Variants in SLC35F1 observed in about 807,000 individuals in gnomAD.
SLC35F1 encodes chromosome 6 open reading frame 169.
Under a neutral mutation model 48.7 loss-of-function variants are expected in SLC35F1, and 14 were observed. The observed-to-expected ratio is 0.29, with a 90% CI of 0.19 to 0.45. The LOEUF is 0.45. SLC35F1 is among the 20% of genes least tolerant of loss of function. The pLI is 1.00. For missense variants in SLC35F1, 404 were observed against 500.0 expected (o/e 0.81, Z 1.83); for synonymous variants, 190 against 202.2 (o/e 0.94, Z 0.51).
At chr6:117,972,272 A>C (rs901982621) in intron 1 of SLC35F1, among the ~76,000 whole-genome samples, 3 of 152,210 alleles carry the variant, frequency 2.0e-5, no homozygotes, top group African/African-American at 7.2e-5. Flanking sequence ...TTGATTGTCC[A>C]TATCACTATC....
At chr6:118,093,558 AGCTCTCTT>A (rs1214733976) in intron 1 of SLC35F1, among the ~76,000 whole-genome samples, 14 of 152,180 alleles carry the variant, frequency 9.2e-5, no homozygotes, top group Non-Finnish European at 1.8e-4. Flanking sequence ...CCGCTACACA[AGCTCTCTT>A]GCCTCCGCCA....
intron 1 of SLC35F1, among the ~76,000 whole-genome samples, chr6:117,923,623 A>ATATACATATACATATG (rs1775939864): frequency 5.0e-4 from 18 of 35,774 alleles, no homozygotes; most frequent in Non-Finnish European, 1.6e-3. Context: ...ACATATGTAT[A>ATATACATATACATATG]TATACATATA....
At chr6:118,029,436 CT>C (rs1582627551) in intron 1 of SLC35F1, among the ~76,000 whole-genome samples, 1 of 152,004 alleles carries the variant, frequency 6.6e-6, no homozygotes, top group East Asian at 1.9e-4. Context: ...TAGAATTGTT[CT>C]ATTTTATTAT....
chr6:117,966,142 C>CA lies in SLC35F1; in HGVS notation c.173+58244dup, dbSNP rs1554219382. On this transcript the variant is annotated intron_variant, in intron 1 of 7. Coordinates refer to ENST00000360388, the MANE Select transcript of SLC35F1 (RefSeq NM_001029858.4). ...AAAAGCAGGCCACCGCCCCCCCCCC[C>CA]ACTCCCGCCCCGCCCCAAGCAGCAG... Among the ~76,000 whole-genome samples the CA allele has an allele frequency of 1.6e-4, 22 of 134,746 alleles. 1 individual carries two copies. Among genetic ancestry groups the CA allele is most frequent in the South Asian group, 2.3e-4 (1 of 4,302 alleles). The allele number at this position is 134,746 out of a possible 152,430, so 88.4% of individuals were successfully genotyped here.
intron 1 of SLC35F1, among the ~76,000 whole-genome samples, chr6:118,034,426 C>T (rs1416721873): frequency 2.6e-5 from 4 of 152,006 alleles, no homozygotes; most frequent in Non-Finnish European, 5.9e-5. Context: ...GGCATTGTGG[C>T]ACATGCCTGT....
chr6:118,244,037 T>G (rs1775473138), intron 3 of SLC35F1, among the ~76,000 whole-genome samples: 1 of 152,262 alleles, frequency 6.6e-6, no homozygotes, highest in Non-Finnish European at 1.5e-5. Context: ...TTTGTAGCAC[T>G]TCAAATCTAA....
chr6:118,166,154 T>C (rs1774314438), intron 2 of SLC35F1, among the ~76,000 whole-genome samples: 1 of 151,264 alleles, frequency 6.6e-6, no homozygotes, highest in East Asian at 1.9e-4. Flanking sequence ...AAATTAAAAA[T>C]AATGCAAGAT....
chr6:118,229,522 T>C (rs1034248), intron 2 of SLC35F1, among the ~76,000 whole-genome samples: 150,455 of 152,286 alleles, frequency 0.99, 74,350 homozygotes, highest in Middle Eastern at 1. Context: ...GAGAAATGCA[T>C]GACTCATGAG....
At chr6:118,311,553 G>T (rs1336151437) in intron 7 of SLC35F1, among the ~76,000 whole-genome samples, 2 of 152,204 alleles carry the variant, frequency 1.3e-5, no homozygotes, top group African/African-American at 4.8e-5. Flanking sequence ...ACTTTGGGAG[G>T]CCAAGGCAGG....
intron 1 of SLC35F1, among the ~76,000 whole-genome samples, chr6:117,908,876 C>G (rs927760343): frequency 6.6e-6 from 1 of 152,190 alleles, no homozygotes; most frequent in African/African-American, 2.4e-5. Flanking sequence ...TCTGTTCATA[C>G]AGGTTTCTGT....
In SLC35F1 at chr6:118,113,454, A is replaced by G. The variant is rs527272453; in HGVS notation, c.174-40991A>G. Among the ~76,000 whole-genome samples, 3 of 152,136 alleles carry G rather than the reference A, an allele frequency of 2.0e-5. No homozygotes were observed. In the South Asian group the frequency reaches 6.2e-4, roughly 32 times the overall value. ...AATAAATGTACCACTCTGGTGGTGG[A>G]TGTTGATAAGAGGAGGGGCTATCTA... On this transcript the variant is annotated intron_variant, in intron 1 of 7. Coordinates refer to ENST00000360388, the MANE Select transcript of SLC35F1 (RefSeq NM_001029858.4).
At chr6:118,296,714 G>A (rs1443349533) in intron 7 of SLC35F1, among the ~76,000 whole-genome samples, 1 of 152,202 alleles carries the variant, frequency 6.6e-6, no homozygotes, top group Non-Finnish European at 1.5e-5. Flanking sequence ...CGGGCTAGAG[G>A]TACTGCAGAA....
intron 1 of SLC35F1, among the ~76,000 whole-genome samples, chr6:118,125,832 T>A (rs1199179092): frequency 1.3e-5 from 2 of 152,210 alleles, no homozygotes; most frequent in Non-Finnish European, 2.9e-5. Flanking sequence ...TACCATTCCA[T>A]CCACTCTCAA....
intron 2 of SLC35F1, among the ~76,000 whole-genome samples, chr6:118,208,157 G>T (rs1374469073): frequency 6.6e-6 from 1 of 152,138 alleles, no homozygotes; most frequent in Non-Finnish European, 1.5e-5. Context: ...CTCTGCTGCA[G>T]TGGTACCCCC....
intron 1 of SLC35F1, among the ~76,000 whole-genome samples, chr6:118,090,817 T>C (rs1773062079): frequency 6.6e-6 from 1 of 152,214 alleles, no homozygotes; most frequent in Admixed American, 6.5e-5. Context: ...CTCTAACTGC[T>C]ATGTGGAGAA....
intron 1 of SLC35F1, among the ~76,000 whole-genome samples, chr6:118,095,851 G>A (rs1291602170): frequency 1.3e-5 from 2 of 151,954 alleles, no homozygotes. Context: ...GGCCAGGAGT[G>A]GTGGAAGGTA....
intron 1 of SLC35F1, among the ~76,000 whole-genome samples, chr6:117,963,880 A>G (rs1334520929): frequency 1.3e-5 from 2 of 152,156 alleles, no homozygotes; most frequent in Admixed American, 1.3e-4. Context: ...ATAGGTAAAC[A>G]TGCGCCATGG....
chr6:117,963,938 T>G (rs1776528924), intron 1 of SLC35F1, among the ~76,000 whole-genome samples: 1 of 152,216 alleles, frequency 6.6e-6, no homozygotes, highest in Non-Finnish European at 1.5e-5. Context: ...AAGCCCCACA[T>G]GCATTAAGTA....
chr6:118,225,102 A>G (rs767452773), intron 2 of SLC35F1, among the ~76,000 whole-genome samples: 2 of 152,200 alleles, frequency 1.3e-5, no homozygotes, highest in Non-Finnish European at 2.9e-5. Flanking sequence ...AGTATCACCC[A>G]AAGCAAATTA....
Sources: allele counts gnomAD v4.1 joint callset (sites outside exome capture counted in the v4.1 genomes callset), GRCh38; gene constraint gnomAD v4.1.1; transcripts MANE v1.5; gene names NCBI Gene and HGNC (gene_info 2026-07-23, HGNC 2026-07-21).